FAM167A: variants seen among roughly 807,000 people sequenced by gnomAD.
FAM167A encodes protein FAM167A.
A neutral mutation model predicts 14.9 loss-of-function variants in FAM167A; 23 were observed. The ratio of observed to expected loss-of-function variants is 1.55; its 90% CI spans 1.11 to 2.19. The LOEUF is 2.19. Ranked by LOEUF, FAM167A falls within the 30% of genes most tolerant of loss-of-function variation. The pLI is 0.00. For missense variants in FAM167A, 401 were observed against 281.5 expected (o/e 1.42, Z -3.04); for synonymous variants, 174 against 117.7 (o/e 1.48, Z -3.10).
chr8:11,440,518 G>C (rs1046771819), intron 2 of FAM167A, among the ~76,000 whole-genome samples: 1 of 152,224 alleles, frequency 6.6e-6, no homozygotes, highest in East Asian at 1.9e-4. Context: ...CAGGAGGCGG[G>C]AGCAGATTAA....
intron 2 of FAM167A, among the ~76,000 whole-genome samples, chr8:11,435,974 G>A (rs756493159): frequency 9.2e-5 from 14 of 152,122 alleles, no homozygotes; most frequent in South Asian, 2.1e-4. Flanking sequence ...CCCATGTGGC[G>A]CTTGCCCCAG....
intron 1 of FAM167A, among the ~76,000 whole-genome samples, chr8:11,466,283 G>T (rs910461572): frequency 1.3e-5 from 2 of 152,214 alleles, no homozygotes; most frequent in African/African-American, 4.8e-5. Flanking sequence ...CCTGGGAGTG[G>T]ACCCGGAGAG....
intron 2 of FAM167A, among the ~76,000 whole-genome samples, chr8:11,432,024 G>C (rs551326990): frequency 6.6e-6 from 1 of 151,862 alleles, no homozygotes; most frequent in Admixed American, 6.6e-5. Flanking sequence ...CATAGGATGT[G>C]CATTTGGGAA....
At chr8:11,440,873 G>A (rs1299490186) in intron 2 of FAM167A, among the ~76,000 whole-genome samples, 1 of 152,190 alleles carries the variant, frequency 6.6e-6, no homozygotes, top group Non-Finnish European at 1.5e-5. Context: ...AATTTTTAAA[G>A]GTACCTTCAA....
At chr8:11,429,935 G>C (rs569664431) in intron 2 of FAM167A, among the ~76,000 whole-genome samples, 20 of 152,304 alleles carry the variant, frequency 1.3e-4, no homozygotes, top group Middle Eastern at 6.8e-3. Context: ...AACTACGCTG[G>C]CCAAATCAAA....
intron 2 of FAM167A, among the ~76,000 whole-genome samples, chr8:11,437,070 A>C (rs1312099969): frequency 6.6e-6 from 1 of 152,152 alleles, no homozygotes; most frequent in Non-Finnish European, 1.5e-5. Context: ...TTCATACTCC[A>C]TTACTCGGGT....
chr8:11,443,012 T>C (rs1462217836), intron 2 of FAM167A, among the ~76,000 whole-genome samples: 1 of 152,188 alleles, frequency 6.6e-6, no homozygotes, highest in Non-Finnish European at 1.5e-5. Flanking sequence ...CAAGCAGGCC[T>C]CAGCCTACCC....
intron 1 of FAM167A, among the ~76,000 whole-genome samples, chr8:11,455,749 T>TGA (rs1807232035): frequency 6.8e-6 from 1 of 147,662 alleles, no homozygotes; most frequent in African/African-American, 2.5e-5. Flanking sequence ...GTTGCCTTGC[T>TGA]GTGCATGAGT....
rs1160996966 is a variant in FAM167A, at chr8:11,452,968, G to C, written c.-397-8160C>G. 2.0e-5 allele frequency among the ~76,000 whole-genome samples: 3 copies of C among 152,158 alleles called. No individual in the cohort carries two copies. The East Asian group carries it at 5.8e-4, about 29-fold the overall frequency. The stretch of plus-strand genomic sequence containing the variant: ...TTCCCAGAACACAGATCTGCTGCAG[G>C]AAAGCTGGGGTGATCTCCCCCCTCT... On this transcript the variant is annotated intron_variant, in intron 1 of 2. Transcript: ENST00000284486.
intron 1 of FAM167A, among the ~76,000 whole-genome samples, chr8:11,455,637 G>C (rs550142679): frequency 1.9e-5 from 1 of 51,944 alleles, no homozygotes; most frequent in African/African-American, 9.3e-5. Context: ...GCTCTGCTGG[G>C]TGTGAGTGTT....
chr8:11,442,350 G>A (rs979050176), intron 2 of FAM167A, among the ~76,000 whole-genome samples: 5 of 152,090 alleles, frequency 3.3e-5, no homozygotes, highest in Admixed American at 6.5e-5. Context: ...ATTGGTCTTC[G>A]GTGTGGCGTA....
At chr8:11,439,602 GTGCGGGGGGAGGGAGGAGAC>G (rs952741248) in intron 2 of FAM167A, among the ~76,000 whole-genome samples, 3 of 152,216 alleles carry the variant, frequency 2.0e-5, no homozygotes, top group African/African-American at 7.2e-5. Context: ...CACCTCCTTG[GTGCGGGGGGAGGGAGGAGAC>G]TGCGGGAGGA....
At chr8:11,443,320 C>T (rs1806551397) in intron 2 of FAM167A, among the ~76,000 whole-genome samples, 1 of 152,232 alleles carries the variant, frequency 6.6e-6, no homozygotes, top group Admixed American at 6.5e-5. Flanking sequence ...TGGGAATCTG[C>T]TTTGCCTATG....
chr8:11,423,933 G>A lies in FAM167A; in HGVS notation c.*440C>T, dbSNP rs1313550187. ...AATACTTAGAGGACAGCAACAGCAC[G>A]TGAGACAGGCACATCTGACATGCCT... On this transcript the variant is annotated 3_prime_UTR_variant, in exon 3 of 3. Transcript: ENST00000284486. 1.0e-5 allele frequency: 2 copies of A among 190,666 alleles called. No individual in the cohort carries two copies. Among genetic ancestry groups the A allele is most frequent in the Non-Finnish European group, 2.2e-5 (2 of 90,444 alleles). 11.8% of individuals were successfully genotyped at this position (190,666 alleles called of 1,614,324 possible). A position where few individuals can be genotyped will look rare whatever the true frequency, so the allele number is the denominator to read the frequency against.
At chr8:11,451,235 T>G (rs147654730) in intron 1 of FAM167A, among the ~76,000 whole-genome samples, 2 of 152,106 alleles carry the variant, frequency 1.3e-5, no homozygotes, top group South Asian at 4.1e-4. Context: ...GGGGAAAGGG[T>G]CTAACTGGAG....
In FAM167A at chr8:11,432,612, T is replaced by C. The variant is rs1440005647; in HGVS notation, c.382-7976A>G. Among the ~76,000 whole-genome samples, 6 of 152,226 alleles carry C rather than the reference T, an allele frequency of 3.9e-5. 1 individual carries two copies. In the Middle Eastern group the frequency reaches 0.01, roughly 259 times the overall value. On this transcript the variant is annotated intron_variant, in intron 2 of 2. Transcript: ENST00000284486. ...CAGAAATAGGAATGCTTTTACACTG[T>C]TGGGAGTGAAAATTAGTTCAACCAT...
chr8:11,432,201 A>G (rs1357216213), intron 2 of FAM167A, among the ~76,000 whole-genome samples: 1 of 152,178 alleles, frequency 6.6e-6, no homozygotes, highest in Non-Finnish European at 1.5e-5. Flanking sequence ...CCACGGACTG[A>G]TGTCTATGGG....
At chr8:11,453,214 C>G (rs1807096064) in intron 1 of FAM167A, among the ~76,000 whole-genome samples, 1 of 152,166 alleles carries the variant, frequency 6.6e-6, no homozygotes, top group African/African-American at 2.4e-5. Flanking sequence ...TCACTGTTGC[C>G]CAGGCTGGAG....
chr8:11,459,980 G>C (rs564944204), intron 1 of FAM167A, among the ~76,000 whole-genome samples: 5 of 152,162 alleles, frequency 3.3e-5, no homozygotes, highest in Admixed American at 2.6e-4. Context: ...TGCCTGCCTC[G>C]GCCTCCCAAA....
Sources: gnomAD v4.1 joint callset for allele counts (sites outside exome capture counted in the v4.1 genomes callset) on GRCh38, gnomAD v4.1.1 for gene constraint, MANE v1.5 for transcripts, NCBI Gene and HGNC (gene_info 2026-07-23, HGNC 2026-07-21) for gene names.